ST8SIA6: variants seen among roughly 807,000 people sequenced by gnomAD.
ST8SIA6 encodes the protein ST8 alpha-N-acetyl-neuraminide alpha-2,8-sialyltransferase 6.
A neutral mutation model predicts 33.6 loss-of-function variants in ST8SIA6; 39 were observed. That is an observed-to-expected ratio of 1.16 (90% CI 0.90 to 1.52). The LOEUF (loss-of-function observed/expected upper bound fraction) is 1.52. Among genes scored for constraint, ST8SIA6 ranks in the 40% most tolerant of loss-of-function variants. The pLI, the probability that ST8SIA6 is intolerant of heterozygous loss-of-function variation, is 0.00. For synonymous variants in ST8SIA6, 172 were observed against 167.2 expected, an observed-to-expected ratio of 1.03 and a Z score of -0.22; for missense variants, 441 against 443.8, an observed-to-expected ratio of 0.99 and a Z score of 0.06.
intron 4 of ST8SIA6, among the ~76,000 whole-genome samples, chr10:17,333,686 TATATATATATATATATATATATATA>T (rs1848377948): frequency 1.0e-4 from 2 of 19,348 alleles, no homozygotes; most frequent in East Asian, 7.5e-3. Flanking sequence ...TATATATATA[TATATATATATATATATATATATATA>T]TATATATTTT....
At chr10:17,326,955 C>A in intron 6 of ST8SIA6, 59 bp downstream of exon 6, 1 of 1,170,766 alleles carries the variant, frequency 8.5e-7, no homozygotes, top group Non-Finnish European at 1.2e-6. Context: ...TTACACTATC[C>A]CCCTCTGAAA....
chr10:17,414,027 C>T (rs1285009237), intron 2 of ST8SIA6, among the ~76,000 whole-genome samples: 1 of 152,134 alleles, frequency 6.6e-6, no homozygotes, highest in Admixed American at 6.5e-5. Context: ...ATGCCCAATA[C>T]ACGCCTCCTA....
chr10:17,329,124 C>A (rs1848221996), intron 5 of ST8SIA6, among the ~76,000 whole-genome samples: 1 of 152,154 alleles, frequency 6.6e-6, no homozygotes, highest in Non-Finnish European at 1.5e-5. Flanking sequence ...CAAAGAAACT[C>A]GGTTTCAGTA....
intron 2 of ST8SIA6, among the ~76,000 whole-genome samples, chr10:17,439,027 T>C (rs1285232817): frequency 6.6e-6 from 1 of 152,206 alleles, no homozygotes; most frequent in Non-Finnish European, 1.5e-5. Flanking sequence ...CTCCATAAGA[T>C]GACATATTAT....
chr10:17,406,925 G>C (rs146466698), intron 2 of ST8SIA6, among the ~76,000 whole-genome samples: 1 of 151,378 alleles, frequency 6.6e-6, no homozygotes, highest in South Asian at 2.1e-4. Flanking sequence ...CTCCCAAGTA[G>C]CTGGGATTAC....
At chr10:17,393,829 A>G (rs1441718410) in intron 2 of ST8SIA6, among the ~76,000 whole-genome samples, 1 of 152,262 alleles carries the variant, frequency 6.6e-6, no homozygotes, top group Non-Finnish European at 1.5e-5. Flanking sequence ...AACTGCCTGC[A>G]GAGTACACAT....
At chr10:17,433,842 C>G (rs550704039) in intron 2 of ST8SIA6, among the ~76,000 whole-genome samples, 8 of 152,248 alleles carry the variant, frequency 5.3e-5, no homozygotes, top group African/African-American at 1.7e-4. Flanking sequence ...TTCTAGCCCC[C>G]CTATCTACTT....
intron 2 of ST8SIA6, among the ~76,000 whole-genome samples, chr10:17,414,944 C>T (rs558485114): frequency 6.6e-6 from 1 of 151,928 alleles, no homozygotes; most frequent in African/African-American, 2.4e-5. Flanking sequence ...AAATCAGTAA[C>T]CCCCAGTATG....
intron 2 of ST8SIA6, among the ~76,000 whole-genome samples, chr10:17,414,665 T>G (rs1327909434): frequency 2.6e-5 from 4 of 152,242 alleles, no homozygotes; most frequent in Non-Finnish European, 4.4e-5. Context: ...GTCCTCACAT[T>G]GTCTTTTCTT....
intron 2 of ST8SIA6, among the ~76,000 whole-genome samples, chr10:17,438,414 G>A (rs953177811): frequency 6.6e-6 from 1 of 151,980 alleles, no homozygotes; most frequent in Non-Finnish European, 1.5e-5. Flanking sequence ...GACCCCAGCT[G>A]GTAACATATA....
At position 17,453,623 on chromosome 10, in the gene ST8SIA6, C is replaced by G. The variant is rs775563615; in HGVS notation, c.136G>C (p.Gly46Arg). The G allele has an allele frequency of 1.5e-6, 2 of 1,325,890 alleles. No individual in the cohort carries two copies. Among genetic ancestry groups the G allele is most frequent in the Middle Eastern group, 2.0e-4 (1 of 4,942 alleles). 82.1% of individuals were successfully genotyped at this position (1,325,890 alleles called of 1,614,324 possible). Residue 46 changes from glycine to arginine, a missense_variant, in exon 2 of 8, where the codon GGC (glycine) becomes CGC (arginine). Transcript: ENST00000377602. ...LVEESREATH[G>R]TPAALRTLRS... is the part of the protein sequence containing the mutation. ...AGCGTCCTCAGCGCTGCGGGGGTGC[C>G]GTGGGTGGCCTCCCTGCTTTCCTCC...
At chr10:17,337,970 A>G (rs1286773520) in intron 4 of ST8SIA6, among the ~76,000 whole-genome samples, 1 of 151,946 alleles carries the variant, frequency 6.6e-6, no homozygotes, top group African/African-American at 2.4e-5. Flanking sequence ...AAAACACTGT[A>G]CACTTTTGCC....
At chr10:17,346,500 A>T (rs546346428) in intron 4 of ST8SIA6, among the ~76,000 whole-genome samples, 14 of 152,174 alleles carry the variant, frequency 9.2e-5, no homozygotes, top group Non-Finnish European at 1.6e-4. Context: ...AGGCTGAGGC[A>T]GGAGGATTGC....
chr10:17,326,465 A>G (rs1848131818), intron 6 of ST8SIA6, among the ~76,000 whole-genome samples: 1 of 152,220 alleles, frequency 6.6e-6, no homozygotes, highest in South Asian at 2.1e-4. Context: ...ATTCAGATAG[A>G]AAACATTTTA....
intron 3 of ST8SIA6, among the ~76,000 whole-genome samples, chr10:17,372,180 A>G (rs191254544): frequency 8.5e-5 from 13 of 152,332 alleles, no homozygotes; most frequent in Admixed American, 8.5e-4. Context: ...ACCAAGAGAA[A>G]CCATACTGAT....
chr10:17,422,577 C>T (rs1564457055), intron 2 of ST8SIA6, among the ~76,000 whole-genome samples: 1 of 152,198 alleles, frequency 6.6e-6, no homozygotes, highest in African/African-American at 2.4e-5. Flanking sequence ...CTGTACTGAA[C>T]AGTGAGAATA....
chr10:17,337,748 AAGTCAACT>A lies in ST8SIA6; in HGVS notation c.378-6204_378-6197del, dbSNP rs144583263. On this transcript the variant is annotated intron_variant, in intron 4 of 7. Coordinates refer to ENST00000377602, the MANE Select transcript of ST8SIA6 (RefSeq NM_001004470.3). The stretch of plus-strand genomic sequence containing the variant: ...TCAGTTCTGATCTTGGGTGACTCTA[AAGTCAACT>A]AGACATGTTCACAATAATGGGTATG... Among the ~76,000 whole-genome samples, 1,231 of 152,256 alleles carry A rather than the reference AAGTCAACT, an allele frequency of 8.1e-3. 21 individuals are homozygous for A. Among genetic ancestry groups the A allele is most frequent in the African/African-American group, 0.028 (1,182 of 41,534 alleles).
intron 3 of ST8SIA6, among the ~76,000 whole-genome samples, chr10:17,387,455 G>C (rs962488787): frequency 1.4e-5 from 2 of 138,700 alleles, no homozygotes; most frequent in Non-Finnish European, 3.2e-5. Context: ...GGCGGGGGGG[G>C]GGGGGTTCTC....
chr10:17,391,248 ATTTTAT>A (rs1200998206), intron 2 of ST8SIA6, among the ~76,000 whole-genome samples: 2 of 150,746 alleles, frequency 1.3e-5, no homozygotes, highest in Admixed American at 6.6e-5. Flanking sequence ...CTGTGTGTTT[ATTTTAT>A]TTTTATTTAT....
Sources: allele counts gnomAD v4.1 joint callset (sites outside exome capture counted in the v4.1 genomes callset), GRCh38; gene constraint gnomAD v4.1.1; transcripts MANE v1.5; gene names NCBI Gene and HGNC (gene_info 2026-07-23, HGNC 2026-07-21).